The following PDE1C variants were observed in gnomAD, a reference collection of about 807,000 sequenced individuals.
The protein encoded by PDE1C is phosphodiesterase 1C.
PDE1C carries 62 observed loss-of-function variants against 93.1 expected under a neutral mutation model. The observed-to-expected ratio is 0.67, with a 90% CI of 0.54 to 0.82. PDE1C has a LOEUF of 0.82. Ranked by LOEUF, PDE1C falls within the 40% of genes least tolerant of loss-of-function variation. The pLI is 0.00. For synonymous variants in PDE1C, 325 were observed against 310.1 expected (o/e 1.05, Z -0.50); for missense variants, 742 against 884.6 (o/e 0.84, Z 2.04).
At chr7:32,219,777 A>G (rs1486579843) in intron 1 of PDE1C, among the ~76,000 whole-genome samples, 1 of 152,222 alleles carries the variant, frequency 6.6e-6, no homozygotes, top group African/African-American at 2.4e-5. Context: ...AGCAGTTAAC[A>G]TGAATCAAAA....
intron 7 of PDE1C, among the ~76,000 whole-genome samples, chr7:31,859,160 C>G (rs1409868475): frequency 6.7e-6 from 1 of 148,822 alleles, no homozygotes; most frequent in African/African-American, 2.5e-5. Flanking sequence ...TGTATATTGA[C>G]TATTGACTAT....
chr7:32,205,087 G>C lies in PDE1C; in HGVS notation c.136+4402C>G, dbSNP rs185493173. Among the ~76,000 whole-genome samples the C allele has an allele frequency of 2.9e-3, 436 of 152,300 alleles. 1 individual carries two copies. Among genetic ancestry groups the C allele is most frequent in the African/African-American group, 9.8e-3 (406 of 41,564 alleles). On this transcript the variant is annotated intron_variant, in intron 2 of 18. Coordinates refer to the PDE1C transcript ENST00000396193. ...ACTTATTGAGCGCTTGTGGTATACA[G>C]TCCCTGTGCTTCATATAATGAATTC... is the stretch of plus-strand genomic sequence containing the variant.
chr7:31,717,657 A>T, the PDE1C span, among the ~76,000 whole-genome samples: 8 of 152,214 alleles, frequency 5.3e-5, no homozygotes, highest in African/African-American at 1.9e-4. Context: ...AGTAACAAAA[A>T]GACCAAAAAT....
chr7:31,741,634 G>C, the PDE1C span, among the ~76,000 whole-genome samples: 1 of 152,080 alleles, frequency 6.6e-6, no homozygotes, highest in Middle Eastern at 3.2e-3. Context: ...TGGTGACTGG[G>C]TTTTATTCCA....
At chr7:32,227,663 T>A (rs1005965682) in intron 1 of PDE1C, among the ~76,000 whole-genome samples, 31 of 152,268 alleles carry the variant, frequency 2.0e-4, no homozygotes, top group African/African-American at 7.5e-4. Flanking sequence ...CCAAACCCTA[T>A]GTGCACTCTT....
intron 1 of PDE1C, among the ~76,000 whole-genome samples, chr7:32,397,127 T>C (rs1784852167): frequency 6.6e-6 from 1 of 152,134 alleles, no homozygotes; most frequent in African/African-American, 2.4e-5. Context: ...GGTCTATAAA[T>C]TTTACTATAC....
intron 2 of PDE1C, among the ~76,000 whole-genome samples, chr7:32,183,036 A>T (rs551234893): frequency 6.6e-6 from 1 of 152,302 alleles, no homozygotes; most frequent in Non-Finnish European, 1.5e-5. Context: ...ATCGTGAGTG[A>T]ATTCCCATTC....
chr7:31,890,073 G>A (rs1310659644), intron 2 of PDE1C, among the ~76,000 whole-genome samples: 1 of 152,122 alleles, frequency 6.6e-6, no homozygotes, highest in African/African-American at 2.4e-5. Flanking sequence ...TAGGCGAGCA[G>A]ACCTTATTGG....
intron 1 of PDE1C, among the ~76,000 whole-genome samples, chr7:32,310,147 A>C (rs530365073): frequency 1.3e-5 from 2 of 152,094 alleles, no homozygotes; most frequent in African/African-American, 4.8e-5. Flanking sequence ...ATCAAAAGAG[A>C]CAAAGAAGGC....
intron 1 of PDE1C, among the ~76,000 whole-genome samples, chr7:32,360,997 G>A (rs1445020380): frequency 2.0e-5 from 3 of 152,294 alleles, no homozygotes; most frequent in South Asian, 2.1e-4. Context: ...TAGGAAGGAG[G>A]TATTAGCTCT....
the PDE1C span, among the ~76,000 whole-genome samples, chr7:31,729,308 A>G: frequency 6.6e-6 from 1 of 152,214 alleles, no homozygotes; most frequent in Admixed American, 6.5e-5. Context: ...CTTAGCTTAC[A>G]TGAATTCCAT....
chr7:31,878,948 T>C (rs1382512108), intron 4 of PDE1C, 48 bp downstream of exon 4: 1 of 1,549,862 alleles, frequency 6.5e-7, no homozygotes. Flanking sequence ...TGGAAACGTG[T>C]TGCTTTGGCT....
Position 32,314,134 on chromosome 7 carries a change from T to C in PDE1C, c.311-104595A>G, listed in dbSNP as rs1783117016. On this transcript the variant is annotated intron_variant, in intron 1 of 1. Transcript: ENST00000672256. The stretch of plus-strand genomic sequence containing the variant: ...GCTCTTTTTATGTGGCTTATTGTTG[T>C]TATCACTTACAGAAGGTTTAAATAT... Among the ~76,000 whole-genome samples, 3 of 152,104 alleles carry C rather than the reference T, an allele frequency of 2.0e-5. No individual in the cohort carries two copies. In the South Asian group the frequency reaches 6.2e-4, roughly 32 times the overall value.
At chr7:32,009,748 C>T (rs1033076926) in intron 2 of PDE1C, among the ~76,000 whole-genome samples, 1 of 152,056 alleles carries the variant, frequency 6.6e-6, no homozygotes, top group Non-Finnish European at 1.5e-5. Flanking sequence ...GTAAAACTGT[C>T]TTTATTTACA....
intron 1 of PDE1C, among the ~76,000 whole-genome samples, chr7:32,390,381 G>A (rs1585138903): frequency 6.6e-6 from 1 of 152,042 alleles, no homozygotes; most frequent in South Asian, 2.1e-4. Context: ...GACATTTACG[G>A]TTGTCACAAC....
chr7:32,336,633 G>T (rs757431129), intron 1 of PDE1C, among the ~76,000 whole-genome samples: 36 of 152,132 alleles, frequency 2.4e-4, no homozygotes, highest in Admixed American at 2.6e-4. Flanking sequence ...CATAGAACAA[G>T]TTCCAAAACC....
rs929933981 is a variant in PDE1C, at chr7:31,943,386, C to T, written c.129-62526G>A. Reference sequence around the variant, plus strand: ...CCTGGGGGCCACTAGCCTGGCATGGCCACTCCAGAGAATTGGTTCTACTGG... The same window carrying T: ...CCTGGGGGCCACTAGCCTGGCATGGTCACTCCAGAGAATTGGTTCTACTGG... On this transcript the variant is annotated intron_variant, in intron 2 of 17. Transcript: ENST00000396191. Among the ~76,000 whole-genome samples, 4 of 152,262 alleles carry T rather than the reference C, an allele frequency of 2.6e-5. No homozygotes were observed. The East Asian group carries it at 7.7e-4, about 29-fold the overall frequency.
intron 2 of PDE1C, among the ~76,000 whole-genome samples, chr7:31,977,974 G>C (rs1213358845): frequency 1.3e-5 from 2 of 152,094 alleles, no homozygotes; most frequent in South Asian, 4.1e-4. Context: ...AGAACTCAAT[G>C]AGGTAGAACT....
intron 2 of PDE1C, among the ~76,000 whole-genome samples, chr7:31,971,795 G>A (rs374299839): frequency 1.3e-5 from 2 of 152,210 alleles, no homozygotes; most frequent in African/African-American, 4.8e-5. Flanking sequence ...TTTTCTGACA[G>A]TGACTGTCCC....
Sources: allele counts gnomAD v4.1 joint callset (sites outside exome capture counted in the v4.1 genomes callset), GRCh38; gene constraint gnomAD v4.1.1; transcripts MANE v1.5; gene names NCBI Gene and HGNC (gene_info 2026-07-23, HGNC 2026-07-21).